Variants in DENND1B observed in about 807,000 individuals in gnomAD.
The protein encoded by DENND1B is DENN domain-containing protein 1B.
In DENND1B, 59 loss-of-function variants were observed where a neutral mutation model predicts 90.1. That is an observed-to-expected ratio of 0.65 (90% CI 0.53 to 0.81). The LOEUF (loss-of-function observed/expected upper bound fraction) is 0.81, where lower values mean the gene tolerates loss of function less well. DENND1B is among the 40% of genes least tolerant of loss of function. The probability of loss-of-function intolerance (pLI) is 0.00; values close to 1 mark genes in which losing one functional copy is unlikely to be tolerated. For synonymous variants in DENND1B, 337 were observed against 324.6 expected, an observed-to-expected ratio of 1.04 and a Z score of -0.41; for missense variants, 862 against 912.6, an observed-to-expected ratio of 0.94 and a Z score of 0.71.
At chr1:197,641,973 T>C (rs1680307729) in intron 10 of DENND1B, among the ~76,000 whole-genome samples, 1 of 152,090 alleles carries the variant, frequency 6.6e-6, no homozygotes, top group Non-Finnish European at 1.5e-5. Context: ...GCTAAATAAA[T>C]ACATCATAGA....
At chr1:197,546,611 C>T (rs1228324710) in intron 17 of DENND1B, 122 bp downstream of exon 17, 2 of 870,630 alleles carry the variant, frequency 2.3e-6, no homozygotes, top group Non-Finnish European at 3.4e-6. Flanking sequence ...TAAAATGTGA[C>T]AAAATATACA....
chr1:197,666,835 T>C (rs913053782), intron 5 of DENND1B, among the ~76,000 whole-genome samples: 7 of 152,168 alleles, frequency 4.6e-5, no homozygotes, highest in South Asian at 2.1e-4. Context: ...AAATTACTAG[T>C]TATTCTAAGT....
chr1:197,701,957 C>G (rs972267706), intron 3 of DENND1B, among the ~76,000 whole-genome samples: 2 of 152,088 alleles, frequency 1.3e-5, no homozygotes, highest in African/African-American at 2.4e-5. Flanking sequence ...ACTAAAAACA[C>G]CACCAAAAAT....
chr1:197,707,921 G>C (rs573331916), intron 3 of DENND1B, among the ~76,000 whole-genome samples: 2 of 151,672 alleles, frequency 1.3e-5, no homozygotes, highest in Admixed American at 6.6e-5. Flanking sequence ...CCTGGGAAGC[G>C]CAAGGGGTCA....
chr1:197,669,998 C>T (rs375048730), intron 5 of DENND1B, among the ~76,000 whole-genome samples: 158 of 151,936 alleles, frequency 1.0e-3, no homozygotes, highest in African/African-American at 3.2e-3. Context: ...AGTTTAGAAC[C>T]GCAGATAAAA....
chr1:197,740,960 T>G (rs536802746), intron 2 of DENND1B, among the ~76,000 whole-genome samples: 2 of 152,166 alleles, frequency 1.3e-5, no homozygotes, highest in Non-Finnish European at 2.9e-5. Flanking sequence ...CTAACACCTA[T>G]GTTGATAAGT....
At chr1:197,641,646 TA>T in intron 10 of DENND1B, among the ~76,000 whole-genome samples, 1 of 152,274 alleles carries the variant, frequency 6.6e-6, no homozygotes, top group Non-Finnish European at 1.5e-5. Context: ...CAATTGTATG[TA>T]TTTTTTTCAA....
intron 13 of DENND1B, chr1:197,606,353 C>T (rs1337295730): frequency 2.0e-5 from 3 of 150,974 alleles, no homozygotes; most frequent in South Asian, 4.1e-4. Context: ...AGACAGTTTT[C>T]GTCATTTCAA....
In DENND1B at chr1:197,596,179, A is replaced by C. The variant is rs796794394; in HGVS notation, c.922-846T>G. 8.2e-4 allele frequency among the ~76,000 whole-genome samples: 124 copies of C among 152,132 alleles called. 1 individual carries two copies. Among genetic ancestry groups the C allele is most frequent in the Middle Eastern group, 3.4e-3 (1 of 294 alleles). On this transcript the variant is annotated intron_variant, in intron 13 of 22. Transcript: ENST00000620048. Reference sequence around the variant, plus strand: ...CTAAAAATGTGCATAATTTTAAAAGATATTTAAGTTTGTTTTAATTTTTCA... The same window carrying C: ...CTAAAAATGTGCATAATTTTAAAAGCTATTTAAGTTTGTTTTAATTTTTCA...
intron 2 of DENND1B, among the ~76,000 whole-genome samples, chr1:197,767,980 T>C (rs1655906075): frequency 6.6e-6 from 1 of 152,224 alleles, no homozygotes; most frequent in Non-Finnish European, 1.5e-5. Context: ...AGTTTCATCA[T>C]TTCTCTGTTC....
chr1:197,619,398 C>T (rs999681302), intron 10 of DENND1B, among the ~76,000 whole-genome samples: 1 of 151,170 alleles, frequency 6.6e-6, no homozygotes, highest in African/African-American at 2.4e-5. Context: ...ACTGTATTAA[C>T]TCTTTCCACC....
intron 9 of DENND1B, 116 bp downstream of exon 9, chr1:197,645,570 CACAA>C: frequency 1.0e-5 from 5 of 498,238 alleles, no homozygotes; most frequent in Non-Finnish European, 1.7e-5. Context: ...CATTATTTCT[CACAA>C]ACACAGATAA....
chr1:197,597,380 GTAT>G (rs958276933), intron 13 of DENND1B, among the ~76,000 whole-genome samples: 7 of 150,886 alleles, frequency 4.6e-5, no homozygotes, highest in African/African-American at 1.2e-4. Context: ...TCTTTTTAAA[GTAT>G]TATTATATAT....
At chr1:197,678,977 C>A (rs1656372788) in intron 3 of DENND1B, among the ~76,000 whole-genome samples, 1 of 152,064 alleles carries the variant, frequency 6.6e-6, no homozygotes, top group Non-Finnish European at 1.5e-5. Flanking sequence ...CCCTATTTTA[C>A]CCCTCCTCCT....
At chr1:197,654,568 C>A (rs1653603967) in intron 6 of DENND1B, among the ~76,000 whole-genome samples, 2 of 151,958 alleles carry the variant, frequency 1.3e-5, no homozygotes, top group African/African-American at 4.8e-5. Context: ...CGAGATCGCA[C>A]CACTGCCCTT....
chr1:197,652,593 C>T (rs1653355307), intron 6 of DENND1B, among the ~76,000 whole-genome samples: 1 of 151,860 alleles, frequency 6.6e-6, no homozygotes, highest in African/African-American at 2.4e-5. Context: ...TATACTAATG[C>T]TATAAAAGTA....
At position 197,628,692 on chromosome 1, in the gene DENND1B, A is replaced by C. The variant is rs556462230; in HGVS notation, c.673-10933T>G. On this transcript the variant is annotated intron_variant, in intron 10 of 22. Transcript: ENST00000620048. ...TTGACAAATGGGATCTAATTAAACT[A>C]AAGAGCTTCTGCACAGCAAAAAAAA... Among the ~76,000 whole-genome samples the C allele has an allele frequency of 4.8e-4, 73 of 152,266 alleles. 1 individual carries two copies. The East Asian group carries it at 9.7e-3, about 20-fold the overall frequency.
intron 3 of DENND1B, among the ~76,000 whole-genome samples, chr1:197,688,023 C>T (rs1003595202): frequency 6.6e-6 from 1 of 152,050 alleles, no homozygotes; most frequent in Non-Finnish European, 1.5e-5. Flanking sequence ...TATACAGTAA[C>T]ATCAAACTAT....
chr1:197,635,416 C>T (rs980949281), intron 10 of DENND1B, among the ~76,000 whole-genome samples: 2 of 152,068 alleles, frequency 1.3e-5, no homozygotes, highest in Non-Finnish European at 2.9e-5. Context: ...TGGCTCACTA[C>T]AGTACTAAAC....
Sources: gnomAD v4.1 joint callset for allele counts (sites outside exome capture counted in the v4.1 genomes callset) on GRCh38, gnomAD v4.1.1 for gene constraint, MANE v1.5 for transcripts, NCBI Gene and HGNC (gene_info 2026-07-23, HGNC 2026-07-21) for gene names.